The following NALF1 variants were observed in gnomAD, a reference collection of about 807,000 sequenced individuals.
NALF1 encodes the protein NALCN channel auxiliary factor 1, also known as family with sequence similarity 155 member A.
Under a neutral mutation model 48.4 loss-of-function variants are expected in NALF1, and 3 were observed. That is an observed-to-expected ratio of 0.06 (90% CI 0.03 to 0.16). The LOEUF (loss-of-function observed/expected upper bound fraction) is 0.16. Among genes scored for constraint, NALF1 ranks in the 10% least tolerant of loss-of-function variants. NALF1 has a pLI of 1.00. For missense variants in NALF1, 526 were observed against 571.5 expected (o/e 0.92, Z 0.81); for synonymous variants, 262 against 245.7 (o/e 1.07, Z -0.62).
At position 107,246,778 on chromosome 13, in the gene NALF1, T is replaced by C. The variant is rs143841695; in HGVS notation, c.916-36023A>G. On this transcript the variant is annotated intron_variant, in intron 1 of 2. Coordinates refer to ENST00000375915, the MANE Select transcript of NALF1 (RefSeq NM_001080396.3). ...ATGCCACATTGAGGATTGTTTTTTA[T>C]GATAAATTGCCAAACATCATACTTA... Among the ~76,000 whole-genome samples the C allele has an allele frequency of 1.5e-3, 225 of 152,298 alleles. 3 individuals carry two copies. The highest frequency in any genetic ancestry group is 5.0e-3 in the African/African-American group (209 of 41,578).
In NALF1 at chr13:107,281,507, C is replaced by T. The variant is rs558556219; in HGVS notation, c.916-70752G>A. On this transcript the variant is annotated intron_variant, in intron 1 of 2. Transcript: ENST00000375915. ...GGTCCTGCTATAGGCCTCATAATGC[C>T]AAAAGAAATAGAACACAGGGGCACA... is the stretch of plus-strand genomic sequence containing the variant. Among the ~76,000 whole-genome samples the T allele has an allele frequency of 3.4e-4, 51 of 152,104 alleles. 1 individual carries two copies. The South Asian group carries it at 0.011, about 32-fold the overall frequency.
chr13:107,308,267 C>T lies in NALF1; in HGVS notation c.916-97512G>A, dbSNP rs1454014130. ...CCCAGGCTGGAGTCCAGTGGCGTGA[C>T]CTCGGCTCACTGCAAGCTCCGTCTC... On this transcript the variant is annotated intron_variant, in intron 1 of 2. Transcript: ENST00000375915. Among the ~76,000 whole-genome samples, 66 of 141,640 alleles carry T rather than the reference C, an allele frequency of 4.7e-4. No homozygotes were observed. The Middle Eastern group carries it at 0.016, about 35-fold the overall frequency. The allele number at this position is 141,640 out of a possible 152,430, so 92.9% of individuals were successfully genotyped here.
At chr13:107,454,744 T>C (rs562939264) in intron 1 of NALF1, among the ~76,000 whole-genome samples, 1 of 152,310 alleles carries the variant, frequency 6.6e-6, no homozygotes, top group East Asian at 1.9e-4. Flanking sequence ...GTGTTTTGTT[T>C]CTACCTGAAA....
intron 1 of NALF1, among the ~76,000 whole-genome samples, chr13:107,537,198 G>A (rs1196813287): frequency 1.3e-5 from 2 of 151,958 alleles, no homozygotes; most frequent in African/African-American, 4.8e-5. Context: ...CCTGCACATT[G>A]TGCACATGTA....
Position 107,163,593 on chromosome 13 carries a change from A to G in NALF1, c.*6904T>C, listed in dbSNP as rs1878601373. ...AATTTAAGATCCAAGGCATTTCTTT[A>G]GCTACTAATATACTCCGGAATGTTC... On this transcript the variant is annotated 3_prime_UTR_variant, in exon 3 of 3. Coordinates refer to ENST00000375915, the MANE Select transcript of NALF1 (RefSeq NM_001080396.3). 3 of 152,328 alleles carry G rather than the reference A, an allele frequency of 2.0e-5. No homozygotes were observed. The highest frequency in any genetic ancestry group is 4.1e-4 in the South Asian group (2 of 4,830). The allele number at this position is 152,328 out of a possible 1,614,324, so 9.4% of individuals were successfully genotyped here. A position where few individuals can be genotyped will look rare whatever the true frequency, so the allele number is the denominator to read the frequency against.
intron 1 of NALF1, among the ~76,000 whole-genome samples, chr13:107,662,277 C>A (rs993200325): frequency 6.6e-6 from 1 of 152,192 alleles, no homozygotes; most frequent in Non-Finnish European, 1.5e-5. Context: ...CTCCAGAAAG[C>A]ATCCACATGG....
chr13:107,171,834 C>A (rs894840510), intron 2 of NALF1, among the ~76,000 whole-genome samples: 8 of 152,042 alleles, frequency 5.3e-5, no homozygotes, highest in African/African-American at 1.7e-4. Context: ...TAATGTCATG[C>A]ATGAAAAACT....
chr13:107,569,009 A>G (rs1262145554), intron 1 of NALF1, among the ~76,000 whole-genome samples: 1 of 152,220 alleles, frequency 6.6e-6, no homozygotes, highest in Non-Finnish European at 1.5e-5. Flanking sequence ...GCCTAGTTTT[A>G]GGTAGCAAAG....
intron 1 of NALF1, among the ~76,000 whole-genome samples, chr13:107,664,931 T>C (rs536072053): frequency 7.3e-5 from 11 of 151,720 alleles, no homozygotes; most frequent in African/African-American, 2.7e-4. Context: ...CTGTTGATCA[T>C]ACAAACCACT....
intron 1 of NALF1, among the ~76,000 whole-genome samples, chr13:107,848,412 T>C (rs1055416779): frequency 3.9e-5 from 6 of 152,324 alleles, no homozygotes; most frequent in Non-Finnish European, 8.8e-5. Context: ...GAGGAATAGT[T>C]TACTATGGTT....
intron 1 of NALF1, among the ~76,000 whole-genome samples, chr13:107,802,887 G>A (rs1247012037): frequency 6.6e-6 from 1 of 152,086 alleles, no homozygotes; most frequent in Non-Finnish European, 1.5e-5. Flanking sequence ...TTACTTAATA[G>A]CCCTAAAGAA....
intron 1 of NALF1, among the ~76,000 whole-genome samples, chr13:107,467,486 C>G (rs1441950832): frequency 6.6e-6 from 1 of 152,160 alleles, no homozygotes; most frequent in East Asian, 1.9e-4. Flanking sequence ...GATCTACCCA[C>G]AAAGGGATAG....
intron 1 of NALF1, among the ~76,000 whole-genome samples, chr13:107,269,354 A>G (rs746498833): frequency 6.6e-6 from 1 of 152,036 alleles, no homozygotes; most frequent in Non-Finnish European, 1.5e-5. Flanking sequence ...TTGGTAATTG[A>G]TTGGATAAAT....
chr13:107,326,484 C>G (rs1204650166), intron 1 of NALF1, among the ~76,000 whole-genome samples: 1 of 152,104 alleles, frequency 6.6e-6, no homozygotes, highest in African/African-American at 2.4e-5. Flanking sequence ...AATTCTTAGA[C>G]CAATTCTCCA....
intron 1 of NALF1, among the ~76,000 whole-genome samples, chr13:107,350,774 A>C (rs1418607054): frequency 1.3e-5 from 2 of 152,176 alleles, no homozygotes; most frequent in African/African-American, 4.8e-5. Flanking sequence ...ATCACTCAGA[A>C]GGCTTGATGA....
chr13:107,172,921 A>G (rs1222244071), intron 2 of NALF1, among the ~76,000 whole-genome samples: 2 of 152,214 alleles, frequency 1.3e-5, no homozygotes, highest in African/African-American at 2.4e-5. Flanking sequence ...ATTCAGGCCA[A>G]TAAATGAACC....
At chr13:107,517,449 T>A (rs9520476) in intron 1 of NALF1, among the ~76,000 whole-genome samples, 97,726 of 151,170 alleles carry the variant, frequency 0.65, 33,816 homozygotes, top group Middle Eastern at 0.8. Context: ...GCTAACATGG[T>A]GAAACCCCGT....
At chr13:107,810,043 T>C (rs1027761916) in intron 1 of NALF1, among the ~76,000 whole-genome samples, 21 of 152,222 alleles carry the variant, frequency 1.4e-4, no homozygotes, top group African/African-American at 5.1e-4. Context: ...ATCATACTAC[T>C]ATTTCATCTA....
rs548653401 is a variant in NALF1 at position 107,212,426 on chromosome 13, T to C, written c.916-1671A>G. Among the ~76,000 whole-genome samples the C allele has an allele frequency of 5.3e-5, 8 of 152,302 alleles. No homozygotes were observed. In the East Asian group the frequency reaches 1.5e-3, roughly 29 times the overall value. On this transcript the variant is annotated intron_variant, in intron 1 of 2. Coordinates refer to ENST00000375915, the MANE Select transcript of NALF1 (RefSeq NM_001080396.3). ...ACTGCACTAGAAGAAAACGTTACAA[T>C]AGCCGAAGAAACCTCTAAGAATTCT...
Sources: gnomAD v4.1 joint callset for allele counts (sites outside exome capture counted in the v4.1 genomes callset) on GRCh38, gnomAD v4.1.1 for gene constraint, MANE v1.5 for transcripts, NCBI Gene and HGNC (gene_info 2026-07-23, HGNC 2026-07-21) for gene names.